Variants in GATM observed in about 807,000 individuals in gnomAD.
GATM encodes the protein glycine amidinotransferase.
A neutral mutation model predicts 54.2 loss-of-function variants in GATM; 23 were observed. That is an observed-to-expected ratio of 0.42 (90% CI 0.31 to 0.60). The LOEUF (loss-of-function observed/expected upper bound fraction) is 0.60, where lower values mean the gene tolerates loss of function less well. Ranked by LOEUF, GATM falls within the 20% of genes least tolerant of loss-of-function variation. The pLI is 0.14. For missense variants in GATM, 401 were observed against 544.9 expected (o/e 0.74, Z 2.63); for synonymous variants, 168 against 183.1 (o/e 0.92, Z 0.67).
At chr15:45,372,422 C>T (rs996618386) in intron 2 of GATM, among the ~76,000 whole-genome samples, 4 of 152,156 alleles carry the variant, frequency 2.6e-5, no homozygotes, top group Non-Finnish European at 5.9e-5. Context: ...ACCAAGCTAC[C>T]CTTTCAAAAA....
rs1189375144 is a variant in GATM, at chr15:45,368,310, G to A, written c.485-50C>T. 2 of 1,551,800 alleles carry A rather than the reference G, an allele frequency of 1.3e-6. No homozygotes were observed. Among genetic ancestry groups the A allele is most frequent in the Non-Finnish European group, 1.8e-6 (2 of 1,128,402 alleles). Reference sequence around the variant, plus strand: ...CAACTTCAGTAGTGTTAATTTCCAAGACAAAAAAGGTCTATATAGGGCCAG... The same window carrying A: ...CAACTTCAGTAGTGTTAATTTCCAAAACAAAAAAGGTCTATATAGGGCCAG... On this transcript the variant is annotated intron_variant, in intron 3 of 8. Coordinates refer to ENST00000396659, the MANE Select transcript of GATM (RefSeq NM_001482.3). This position sits in a 1 kb window ranked among gnomAD's most constrained non-coding sequence, Gnocchi z 5.1.
intron 8 of GATM, 79 bp from the exon 9 acceptor site, chr15:45,362,300 G>A: frequency 1.2e-6 from 1 of 856,184 alleles, no homozygotes; most frequent in South Asian, 1.4e-5. Flanking sequence ...TACAGACTTG[G>A]AGGAGTCCTG....
intron 3 of GATM, among the ~76,000 whole-genome samples, chr15:45,387,324 T>C (rs984007900): frequency 3.3e-5 from 5 of 152,232 alleles, no homozygotes; most frequent in Non-Finnish European, 5.9e-5. Context: ...AATTTAGCAC[T>C]GGGAAAATCC....
rs991474936 is a variant in GATM, at chr15:45,368,642, A to G, written c.485-382T>C. ...AACAAACAAAAAATGTCTATATAAT[A>G]TTACCTCTTTTTTTGGTTAAAAAAA... On this transcript the variant is annotated intron_variant, in intron 3 of 8. Transcript: ENST00000396659. This position sits in a 1 kb window ranked among gnomAD's most constrained non-coding sequence, Gnocchi z 5.1. Among the ~76,000 whole-genome samples the G allele has an allele frequency of 6.6e-6, 1 of 151,514 alleles. No individual in the cohort carries two copies. Among genetic ancestry groups the G allele is most frequent in the Non-Finnish European group, 1.5e-5 (1 of 67,962 alleles).
upstream of GATM, chr15:45,379,980 CG>C (rs1889714876): frequency 2.0e-5 from 3 of 151,644 alleles, no homozygotes; most frequent in Admixed American, 1.3e-4. Context: ...AAAAATTAGC[CG>C]GGCGTGGTGG....
chr15:45,363,839 C>A, intron 8 of GATM, 61 bp downstream of exon 8: 2 of 1,005,172 alleles, frequency 2.0e-6, no homozygotes, highest in East Asian at 2.4e-5. Flanking sequence ...CATGTCATTT[C>A]TTTAGTTCTT....
exon 1 of GATM, chr15:45,402,144 G>T: frequency 2.1e-6 from 1 of 475,854 alleles, no homozygotes; most frequent in Non-Finnish European, 3.7e-6. Flanking sequence ...ACCTAGTGAA[G>T]TGAGCTTAAG....
chr15:45,378,385 C>T lies in GATM; in HGVS notation c.69G>A (p.Arg23=). The change falls in exon 1 of 9, where the codon CGG becomes CGA. Residue 23 remains arginine, a splice_region_variant and synonymous_variant. Coordinates refer to ENST00000396659, the MANE Select transcript of GATM (RefSeq NM_001482.3). ...CAGACGAGGCCGGTGGCGCACGCAC[C>T]CGAGATCCGATGTAGTGCACCGCCT... ...GAEAVHYIGS[R]LGRTLTGWVQ... is the part of the protein sequence containing the mutation. The T allele has an allele frequency of 2.0e-6, 3 of 1,519,924 alleles. No homozygotes were observed. The highest frequency in any genetic ancestry group is 2.6e-6 in the Non-Finnish European group (3 of 1,140,234). 94.2% of individuals were successfully genotyped at this position (1,519,924 alleles called of 1,614,324 possible).
intron 2 of GATM, among the ~76,000 whole-genome samples, chr15:45,371,025 G>A (rs1286388897): frequency 1.3e-5 from 2 of 152,106 alleles, no homozygotes; most frequent in Non-Finnish European, 1.5e-5. Context: ...CACCCGCGTC[G>A]GCCCCCCAAA....
At chr15:45,381,196 A>G (rs1238183992), upstream of GATM, among the ~76,000 whole-genome samples, 1 of 152,162 alleles carries the variant, frequency 6.6e-6, no homozygotes, top group Non-Finnish European at 1.5e-5. Flanking sequence ...ATACCATTAA[A>G]TACTTTGATT....
intron 2 of GATM, among the ~76,000 whole-genome samples, chr15:45,371,174 T>C (rs986543667): frequency 6.6e-6 from 1 of 152,312 alleles, no homozygotes; most frequent in African/African-American, 2.4e-5. Context: ...CATAAATACA[T>C]TGAGAAATGT....
Position 45,399,354 on chromosome 15 carries a change from T to C in GATM, c.-480+192A>G, listed in dbSNP as rs186971552. Among the ~76,000 whole-genome samples, 7 of 152,324 alleles carry C rather than the reference T, an allele frequency of 4.6e-5. No individual in the cohort carries two copies. The East Asian group carries it at 1.3e-3, about 29-fold the overall frequency. ...CTCAGTGTTTGTGTCCTCCACAAAA[T>C]TCATTTGTTGAAATTTTAACCCTTG... On this transcript the variant is annotated intron_variant, in intron 2 of 4. Transcript: ENST00000561148.
chr15:45,378,401 T>C lies in GATM; in HGVS notation c.53A>G (p.His18Arg). 2 of 1,509,936 alleles carry C rather than the reference T, an allele frequency of 1.3e-6. No homozygotes were observed. Among genetic ancestry groups the C allele is most frequent in the Non-Finnish European group, 1.8e-6 (2 of 1,135,826 alleles). The allele number at this position is 1,509,936 out of a possible 1,614,324, so 93.5% of individuals were successfully genotyped here. A position where few individuals can be genotyped will look rare whatever the true frequency, so the allele number is the denominator to read the frequency against. Residue 18 changes from histidine to arginine, a missense_variant, in exon 1 of 9, where the codon CAC becomes CGC. Physicochemically the swap from His to Arg is conservative, Grantham distance 29. Around this residue, in one of 3 missense-constraint regions of GATM, gnomAD observed 70 missense variants for 61.5 expected, o/e 1.14. Transcript: ENST00000396659. Reference sequence around the variant, plus strand: ...CGCACGCACCCGAGATCCGATGTAGTGCACCGCCTCGGCGCCGCGGCTCCC... The same window carrying C: ...CGCACGCACCCGAGATCCGATGTAGCGCACCGCCTCGGCGCCGCGGCTCCC... ...RGGSRGAEAV[H>R]YIGSRLGRTL...
chr15:45,388,029 T>C (rs557754285), intron 3 of GATM, among the ~76,000 whole-genome samples: 1 of 152,290 alleles, frequency 6.6e-6, no homozygotes, highest in South Asian at 2.1e-4. Context: ...TTTTAAAAAA[T>C]TAAAGACAGA....
exon 1 of GATM, chr15:45,402,177 G>T: frequency 3.8e-6 from 2 of 523,920 alleles, no homozygotes. Flanking sequence ...CACCTGTAAC[G>T]AAGACCATCT....
intron 2 of GATM, among the ~76,000 whole-genome samples, chr15:45,376,239 G>A (rs553908242): frequency 6.6e-6 from 1 of 152,270 alleles, no homozygotes; most frequent in Admixed American, 6.5e-5. Context: ...ACAGAGATCC[G>A]GACCAGAGAG....
chr15:45,399,768 T>C (rs1402147587), intron 1 of GATM, among the ~76,000 whole-genome samples: 1 of 152,240 alleles, frequency 6.6e-6, no homozygotes, highest in Non-Finnish European at 1.5e-5. Context: ...ACCAACGTCC[T>C]AACAATCCTG....
chr15:45,384,683 C>T (rs1336738290), intron 3 of GATM, among the ~76,000 whole-genome samples: 1 of 152,134 alleles, frequency 6.6e-6, no homozygotes, highest in East Asian at 1.9e-4. Flanking sequence ...CTGTGCCTTA[C>T]ATTTCCCCTA....
In GATM at chr15:45,378,475, C is replaced by A; in HGVS notation, c.-22G>T. 1 of 1,422,916 alleles carries A rather than the reference C, an allele frequency of 7.0e-7. No individual in the cohort carries two copies. Among genetic ancestry groups the A allele is most frequent in the Non-Finnish European group, 9.1e-7 (1 of 1,094,014 alleles). The allele number at this position is 1,422,916 out of a possible 1,614,324, so 88.1% of individuals were successfully genotyped here. On this transcript the variant is annotated 5_prime_UTR_variant, in exon 1 of 9. Transcript: ENST00000396659. ...GCATCGCCCTGGCCCGGCTGGTCCA[C>A]GCGCGGAATGTTCCTGGCCTCTGGG...
Sources: allele counts gnomAD v4.1 joint callset (sites outside exome capture counted in the v4.1 genomes callset), GRCh38; gene constraint gnomAD v4.1.1; regional missense constraint gnomAD v4.1.1; non-coding constraint Gnocchi (gnomAD v3.1); transcripts MANE v1.5; gene names NCBI Gene and HGNC (gene_info 2026-07-23, HGNC 2026-07-21).